The following IL1RAPL1 variants were observed in gnomAD, a reference collection of about 807,000 sequenced individuals.
IL1RAPL1 encodes interleukin-1 receptor accessory protein-like 1.
Under a neutral mutation model 48.4 loss-of-function variants are expected in IL1RAPL1, and 3 were observed. The ratio of observed to expected loss-of-function variants is 0.06; its 90% CI spans 0.03 to 0.16. The LOEUF (loss-of-function observed/expected upper bound fraction) is 0.16. Among genes scored for constraint, IL1RAPL1 ranks in the 10% least tolerant of loss-of-function variants. The pLI is 1.00. For synonymous variants in IL1RAPL1, 185 were observed against 187.7 expected (o/e 0.99, Z 0.12); for missense variants, 349 against 530.6 (o/e 0.66, Z 3.36).
intron 2 of IL1RAPL1, among the ~76,000 whole-genome samples, chrX:29,129,480 A>G (rs1343499788): frequency 9.0e-6 from 1 of 111,286 alleles, no homozygotes; most frequent in Non-Finnish European, 1.9e-5. Context: ...GACTAAAAGG[A>G]TATGTATAAC....
At chrX:28,630,320 C>G (rs1228829838) in intron 1 of IL1RAPL1, among the ~76,000 whole-genome samples, 5 of 111,845 alleles carry the variant, frequency 4.5e-5, no homozygotes, top group Non-Finnish European at 9.4e-5. Flanking sequence ...CATTCTCTCA[C>G]TGAAGTGCCT....
rs138395314 is a variant in IL1RAPL1 at position 29,100,400 on chromosome X, G to T, written c.83-182538G>T. On this transcript the variant is annotated intron_variant, in intron 2 of 10. Transcript: ENST00000378993. ...TAAAGAGACCACTTGATGAGTTACA[G>T]TCTGGAGCTTGCCTCCCTTGAACAT... is the stretch of plus-strand genomic sequence containing the variant. 9.1e-3 allele frequency among the ~76,000 whole-genome samples: 1,010 copies of T among 111,271 alleles called. 12 individuals carry two copies. Among genetic ancestry groups the T allele is most frequent in the African/African-American group, 0.031 (948 of 30,581 alleles).
intron 5 of IL1RAPL1, among the ~76,000 whole-genome samples, chrX:29,584,660 C>T (rs1436134990): frequency 3.6e-5 from 4 of 111,430 alleles, no homozygotes; most frequent in Non-Finnish European, 7.5e-5. Flanking sequence ...CTCAAGTGAT[C>T]CTCCCACCTC....
rs1033427900 is a variant in IL1RAPL1, at chrX:29,733,103, GA to G, written c.778+64600del. ...AGGGAGCAATGAGAAGGGAAAGGAA[GA>G]GAAGAAAATCCAAATTCAAAGCCTA... is the stretch of plus-strand genomic sequence containing the variant. On this transcript the variant is annotated intron_variant, in intron 6 of 10. Transcript: ENST00000378993. Among the ~76,000 whole-genome samples the G allele has an allele frequency of 5.4e-5, 6 of 111,207 alleles. No homozygotes were observed. In the Admixed American group the frequency reaches 5.8e-4, roughly 11 times the overall value.
At chrX:29,562,837 G>T (rs1922282179) in intron 5 of IL1RAPL1, among the ~76,000 whole-genome samples, 1 of 111,671 alleles carries the variant, frequency 9.0e-6, no homozygotes, top group Non-Finnish European at 1.9e-5. Flanking sequence ...CAGATAAAAA[G>T]GCTTTCATTA....
chrX:29,047,728 C>CTT (rs34778253), intron 2 of IL1RAPL1, among the ~76,000 whole-genome samples: 1,910 of 98,747 alleles, frequency 0.019, 49 homozygotes, highest in African/African-American at 0.066. Flanking sequence ...TAAATTCAAC[C>CTT]TTTTTTTTTT....
intron 3 of IL1RAPL1, among the ~76,000 whole-genome samples, chrX:29,285,894 T>C (rs1390494872): frequency 9.0e-6 from 1 of 111,690 alleles, no homozygotes; most frequent in African/African-American, 3.3e-5. Context: ...GGGCTGTCAG[T>C]TGAGTCACTG....
chrX:29,333,947 C>T (rs1189534362), intron 3 of IL1RAPL1, among the ~76,000 whole-genome samples: 64 of 81,075 alleles, frequency 7.9e-4, no homozygotes, highest in Non-Finnish European at 9.9e-4. Context: ...ACCTCCCTCC[C>T]GGACGGGGCG....
intron 1 of IL1RAPL1, among the ~76,000 whole-genome samples, chrX:28,601,207 T>C (rs1465221461): frequency 1.8e-5 from 2 of 110,704 alleles, no homozygotes; most frequent in Non-Finnish European, 3.8e-5. Context: ...GATCATGAGG[T>C]AAAGAGATCG....
chrX:29,840,428 A>G (rs1313216552), intron 6 of IL1RAPL1, among the ~76,000 whole-genome samples: 1 of 111,967 alleles, frequency 8.9e-6, no homozygotes, highest in African/African-American at 3.2e-5. Context: ...ATGTAATACT[A>G]AACTGCCTTG....
chrX:28,911,350 A>G (rs1325762812), intron 2 of IL1RAPL1, among the ~76,000 whole-genome samples: 2 of 111,390 alleles, frequency 1.8e-5, no homozygotes, highest in Non-Finnish European at 3.8e-5. Context: ...AAGAAAATAT[A>G]CACAAACTTT....
In IL1RAPL1 at chrX:28,717,124, C is replaced by A. The variant is rs779095341; in HGVS notation, c.-24-72196C>A. Among the ~76,000 whole-genome samples, 12 of 111,815 alleles carry A rather than the reference C, an allele frequency of 1.1e-4. No homozygotes were observed. The East Asian group carries it at 3.4e-3, about 32-fold the overall frequency. On this transcript the variant is annotated intron_variant, in intron 1 of 10. Coordinates refer to ENST00000378993, the MANE Select transcript of IL1RAPL1 (RefSeq NM_014271.4). Reference sequence around the variant, plus strand: ...AAGACCTAAAGACAGAAATACCATTCAATCCAGCAATCCCATTACTGGGTA... The same window carrying A: ...AAGACCTAAAGACAGAAATACCATTAAATCCAGCAATCCCATTACTGGGTA...
chrX:29,177,859 T>C (rs1183282331), intron 2 of IL1RAPL1, among the ~76,000 whole-genome samples: 1 of 111,676 alleles, frequency 9.0e-6, no homozygotes, highest in African/African-American at 3.3e-5. Context: ...TTTTCTGTCC[T>C]TGTGATAGTT....
chrX:28,843,695 TTGAC>T (rs1483973378), intron 2 of IL1RAPL1, among the ~76,000 whole-genome samples: 1 of 112,103 alleles, frequency 8.9e-6, no homozygotes, highest in Non-Finnish European at 1.9e-5. Flanking sequence ...AAATTGAAAA[TTGAC>T]TGTAAGAGTT....
At chrX:29,395,087 A>C (rs1044768872) in intron 3 of IL1RAPL1, among the ~76,000 whole-genome samples, 5 of 111,856 alleles carry the variant, frequency 4.5e-5, no homozygotes, top group African/African-American at 1.6e-4. Context: ...AACCAGCAGT[A>C]TCACGGAGCA....
chrX:29,628,767 G>A (rs955645046), intron 5 of IL1RAPL1, among the ~76,000 whole-genome samples: 29 of 111,941 alleles, frequency 2.6e-4, no homozygotes, highest in African/African-American at 7.8e-4. Flanking sequence ...TATCAAGTCC[G>A]AAGAAGGAAG....
In IL1RAPL1 at chrX:28,700,306, A is replaced by G. The variant is rs571603073; in HGVS notation, c.-24-89014A>G. 2.0e-4 allele frequency among the ~76,000 whole-genome samples: 22 copies of G among 111,092 alleles called. No individual in the cohort carries two copies. In the South Asian group the frequency reaches 6.9e-3, roughly 35 times the overall value. Reference sequence around the variant, plus strand: ...ACAGAGAGGTGATTAAAGATTATATACAATGAACATCCTCTTAAAGTAATA... The same window carrying G: ...ACAGAGAGGTGATTAAAGATTATATGCAATGAACATCCTCTTAAAGTAATA... On this transcript the variant is annotated intron_variant, in intron 1 of 10. Coordinates refer to ENST00000378993, the MANE Select transcript of IL1RAPL1 (RefSeq NM_014271.4).
At chrX:28,789,616 A>C (rs1267215229) in intron 2 of IL1RAPL1, among the ~76,000 whole-genome samples, 191 bp downstream of exon 2, 3 of 112,191 alleles carry the variant, frequency 2.7e-5, no homozygotes, top group Non-Finnish European at 5.6e-5. Flanking sequence ...GATTCAAAAG[A>C]ATGTGGCTTA....
intron 1 of IL1RAPL1, among the ~76,000 whole-genome samples, chrX:28,737,271 T>TTTC (rs1935854674): frequency 2.9e-5 from 2 of 68,564 alleles, no homozygotes; most frequent in African/African-American, 6.2e-5. Context: ...TTCTTTCTTT[T>TTTC]TTTGAGATAG....
Sources: allele counts gnomAD v4.1 joint callset (sites outside exome capture counted in the v4.1 genomes callset), GRCh38; gene constraint gnomAD v4.1.1; transcripts MANE v1.5; gene names NCBI Gene and HGNC (gene_info 2026-07-23, HGNC 2026-07-21).